Variants in LNX1 observed in about 807,000 individuals in gnomAD.
The protein encoded by LNX1 is ligand of numb-protein X 1, also known as E3 ubiquitin-protein ligase LNX.
A neutral mutation model predicts 68.4 loss-of-function variants in LNX1; 54 were observed. The ratio of observed to expected loss-of-function variants is 0.79; its 90% CI spans 0.63 to 0.99. The LOEUF (loss-of-function observed/expected upper bound fraction) is 0.99, where lower values mean the gene tolerates loss of function less well. LNX1 is among the 50% of genes least tolerant of loss of function. The pLI is 0.00. For missense variants in LNX1, 906 were observed against 926.4 expected (o/e 0.98, Z 0.29); for synonymous variants, 336 against 350.0 (o/e 0.96, Z 0.45).
At chr4:53,629,153 C>T (rs1278179315) in intron 1 of LNX1, among the ~76,000 whole-genome samples, 1 of 152,140 alleles carries the variant, frequency 6.6e-6, no homozygotes, top group Non-Finnish European at 1.5e-5. Flanking sequence ...AGACCACAAA[C>T]AAAAAGTCTC....
chr4:53,606,173 G>T (rs1326726448), intron 2 of LNX1, among the ~76,000 whole-genome samples: 1 of 151,596 alleles, frequency 6.6e-6, no homozygotes, highest in African/African-American at 2.4e-5. Flanking sequence ...TTGAAAGATA[G>T]ATAGACCACT....
At chr4:53,521,312 G>C (rs1340604585) in intron 2 of LNX1, among the ~76,000 whole-genome samples, 1 of 152,302 alleles carries the variant, frequency 6.6e-6, no homozygotes. Flanking sequence ...AGATGGAGGT[G>C]TGGGGGAAGG....
chr4:53,477,083 A>C (rs530565955), intron 8 of LNX1, 102 bp from the exon 9 acceptor site: 32 of 984,302 alleles, frequency 3.3e-5, no homozygotes, highest in African/African-American at 2.2e-4. Context: ...GCAGGGATGC[A>C]GAGAGGGCAA....
At chr4:53,590,686 A>T (rs1732456383) in intron 1 of LNX1, among the ~76,000 whole-genome samples, 1 of 152,218 alleles carries the variant, frequency 6.6e-6, no homozygotes, top group Non-Finnish European at 1.5e-5. Context: ...CTGAAGTCAC[A>T]TTCTTGCAGC....
intron 1 of LNX1, among the ~76,000 whole-genome samples, chr4:53,641,483 G>A (rs564519723): frequency 1.3e-5 from 2 of 152,302 alleles, no homozygotes; most frequent in East Asian, 3.9e-4. Flanking sequence ...AAAGACGAGA[G>A]AAATGGACAA....
Position 53,460,242 on chromosome 4 carries a change from T to A in LNX1, c.*665A>T. ...GAGTTTTTATACAGTTACTAACGAT[T>A]GTGGAAAAAAAGAGCTTTAGCCATT... On this transcript the variant is annotated 3_prime_UTR_variant, in exon 11 of 11. Coordinates refer to ENST00000263925, the MANE Select transcript of LNX1 (RefSeq NM_001126328.3). 5.2e-6 allele frequency: 1 copy of A among 193,252 alleles called. No individual in the cohort carries two copies. The highest frequency in any genetic ancestry group is 8.1e-5 in the East Asian group (1 of 12,290). The allele number at this position is 193,252 out of a possible 1,614,324, so 12.0% of individuals were successfully genotyped here. A position where few individuals can be genotyped will look rare whatever the true frequency, so the allele number is the denominator to read the frequency against.
intron 2 of LNX1, among the ~76,000 whole-genome samples, chr4:53,541,112 G>C (rs1195686749): frequency 1.3e-5 from 2 of 150,814 alleles, no homozygotes; most frequent in African/African-American, 2.4e-5. Context: ...ACTCCAGCCT[G>C]GGTGACAGAG....
intron 2 of LNX1, among the ~76,000 whole-genome samples, chr4:53,538,114 G>GAACAA (rs1051694708): frequency 1.3e-5 from 2 of 152,104 alleles, no homozygotes; most frequent in African/African-American, 4.8e-5. Context: ...AAACAAAACA[G>GAACAA]AACAAAACAA....
At chr4:53,515,271 C>T (rs894673593) in intron 2 of LNX1, among the ~76,000 whole-genome samples, 3 of 152,188 alleles carry the variant, frequency 2.0e-5, no homozygotes, top group East Asian at 1.9e-4. Context: ...TGGTTAGCTG[C>T]GGGCAAGTTG....
chr4:53,476,063 G>C (rs996314010), intron 9 of LNX1, among the ~76,000 whole-genome samples: 1 of 152,108 alleles, frequency 6.6e-6, no homozygotes. Context: ...TTGCCAGGCC[G>C]AGGCAGGCAG....
In LNX1 at chr4:53,478,564, C is replaced by T; in HGVS notation, c.1663+1G>A. 1 of 1,603,228 alleles carries T rather than the reference C, an allele frequency of 6.2e-7. No individual in the cohort carries two copies. The highest frequency in any genetic ancestry group is 8.5e-7 in the Non-Finnish European group (1 of 1,173,786). On this transcript the variant is annotated splice_donor_variant, in intron 8 of 10. Transcript: ENST00000263925. LOFTEE classifies it high-confidence loss of function. ...GCCTTTAAAATCCCTTTACTTTTTA[C>T]CTGTTTTTATTCTTCCATCTCTGCT... is the stretch of plus-strand genomic sequence containing the variant.
intron 1 of LNX1, among the ~76,000 whole-genome samples, chr4:53,629,097 A>G (rs1247947326): frequency 6.6e-6 from 1 of 152,222 alleles, no homozygotes; most frequent in Non-Finnish European, 1.5e-5. Context: ...CCATGTAACC[A>G]TAAACCACTT....
At chr4:53,643,176 G>A (rs564932618) in intron 1 of LNX1, among the ~76,000 whole-genome samples, 39 of 151,926 alleles carry the variant, frequency 2.6e-4, no homozygotes, top group Non-Finnish European at 4.7e-4. Context: ...TTTAAGACAG[G>A]ATCTTGCTCT....
intron 2 of LNX1, among the ~76,000 whole-genome samples, chr4:53,551,295 C>T (rs1729493320): frequency 2.0e-5 from 3 of 152,148 alleles, no homozygotes; most frequent in African/African-American, 7.2e-5. Context: ...TGAGGAATGT[C>T]AGGCAACCAT....
rs569835424 is a variant in LNX1, at chr4:53,460,009, C to G, written c.*898G>C. On this transcript the variant is annotated 3_prime_UTR_variant, in exon 11 of 11. Coordinates refer to ENST00000263925, the MANE Select transcript of LNX1 (RefSeq NM_001126328.3). Reference sequence around the variant, plus strand: ...AACCAAATGGGGTACACTTTCATATCCAAATTAATAAAACCTATAAGGCAT... The same window carrying G: ...AACCAAATGGGGTACACTTTCATATGCAAATTAATAAAACCTATAAGGCAT... 9.5e-6 allele frequency: 2 copies of G among 209,560 alleles called. No individual in the cohort carries two copies. The highest frequency in any genetic ancestry group is 4.6e-5 in the African/African-American group (2 of 43,906). 13.0% of individuals were successfully genotyped at this position (209,560 alleles called of 1,614,324 possible).
At chr4:53,462,201 C>A (rs1203947642) in intron 9 of LNX1, among the ~76,000 whole-genome samples, 1 of 152,024 alleles carries the variant, frequency 6.6e-6, no homozygotes, top group African/African-American at 2.4e-5. Context: ...AAACAAACTG[C>A]AGGAAACTGG....
chr4:53,575,893 G>T, intron 1 of LNX1: 1 of 1,577,982 alleles, frequency 6.3e-7, no homozygotes, highest in South Asian at 1.2e-5. Context: ...CAGCCTGCAA[G>T]GGGAGGACTG....
chr4:53,555,088 C>T lies in LNX1; in HGVS notation c.380+18535G>A, dbSNP rs542865540. 2.1e-3 allele frequency among the ~76,000 whole-genome samples: 321 copies of T among 152,196 alleles called. 1 individual carries two copies. Among genetic ancestry groups the T allele is most frequent in the African/African-American group, 7.0e-3 (290 of 41,544 alleles). The stretch of plus-strand genomic sequence containing the variant: ...CCCCCAGTGTCAGGAATCCAAAGCT[C>T]GGATAAAGGGTGGAGGAAGCCCAGC... On this transcript the variant is annotated intron_variant, in intron 2 of 10. Transcript: ENST00000263925.
chr4:53,644,634 G>C (rs569159344), intron 1 of LNX1, among the ~76,000 whole-genome samples: 1 of 152,184 alleles, frequency 6.6e-6, no homozygotes, highest in African/African-American at 2.4e-5. Context: ...CTCATAGGCT[G>C]TCCTATTCCA....
Sources: gnomAD v4.1 joint callset for allele counts (sites outside exome capture counted in the v4.1 genomes callset) on GRCh38, gnomAD v4.1.1 for gene constraint, MANE v1.5 for transcripts, NCBI Gene and HGNC (gene_info 2026-07-23, HGNC 2026-07-21) for gene names.